Variants in FAM168A observed in about 807,000 individuals in gnomAD.
The protein encoded by FAM168A is family with sequence similarity 168 member A, also known as protein FAM168A.
In FAM168A, 3 loss-of-function variants were observed where a neutral mutation model predicts 28.5. The ratio of observed to expected loss-of-function variants is 0.11; its 90% CI spans 0.05 to 0.27. The LOEUF (loss-of-function observed/expected upper bound fraction) is 0.27, where lower values mean the gene tolerates loss of function less well. Ranked by LOEUF, FAM168A falls within the 10% of genes least tolerant of loss-of-function variation. The pLI is 1.00. For synonymous variants in FAM168A, 122 were observed against 124.2 expected (o/e 0.98, Z 0.12); for missense variants, 222 against 311.5 (o/e 0.71, Z 2.16).
chr11:73,484,498 G>GGAGAGAGAGA (rs201878144), intron 1 of FAM168A, among the ~76,000 whole-genome samples: 80 of 143,126 alleles, frequency 5.6e-4, no homozygotes, highest in African/African-American at 2.1e-3. Flanking sequence ...AGAACTAAGA[G>GGAGAGAGAGA]GAGAGAGAGA....
intron 3 of FAM168A, among the ~76,000 whole-genome samples, chr11:73,421,370 G>C (rs1866790411): frequency 6.6e-6 from 1 of 152,156 alleles, no homozygotes; most frequent in South Asian, 2.1e-4. Context: ...TAGAATTATG[G>C]CTATTGTAGG....
chr11:73,411,289 C>A, intron 5 of FAM168A, 105 bp downstream of exon 5: 1 of 1,343,652 alleles, frequency 7.4e-7, no homozygotes, highest in Non-Finnish European at 1.0e-6. Context: ...GCCAGAGCCA[C>A]AAACCATCCT....
At chr11:73,408,399 TA>T (rs932362141) in intron 6 of FAM168A, among the ~76,000 whole-genome samples, 1 of 152,170 alleles carries the variant, frequency 6.6e-6, no homozygotes, top group Non-Finnish European at 1.5e-5. Context: ...ACCATACCCT[TA>T]CGTTAGGGAC....
At chr11:73,510,931 G>C (rs555074754) in intron 1 of FAM168A, 1 of 246,142 alleles carries the variant, frequency 4.1e-6, no homozygotes, top group Admixed American at 5.6e-5. Context: ...GTTGAAGCCA[G>C]ATGATGAATG....
At chr11:73,521,744 T>C (rs1943383339) in intron 1 of FAM168A, among the ~76,000 whole-genome samples, 1 of 152,198 alleles carries the variant, frequency 6.6e-6, no homozygotes, top group South Asian at 2.1e-4. Flanking sequence ...ACCACCAGGA[T>C]ACTGACTCAT....
chr11:73,443,254 A>T (rs1867238186), intron 2 of FAM168A, among the ~76,000 whole-genome samples: 1 of 152,042 alleles, frequency 6.6e-6, no homozygotes, highest in Non-Finnish European at 1.5e-5. Context: ...CTTCAAAAAT[A>T]AGCCAAGTGC....
At chr11:73,484,747 T>C (rs1041981864) in intron 1 of FAM168A, among the ~76,000 whole-genome samples, 2 of 148,502 alleles carry the variant, frequency 1.3e-5, no homozygotes, top group Admixed American at 6.8e-5. Context: ...TATAGATATA[T>C]AGATATATAG....
intron 2 of FAM168A, among the ~76,000 whole-genome samples, chr11:73,463,494 TGGA>T (rs1555023686): frequency 6.6e-6 from 1 of 152,138 alleles, no homozygotes; most frequent in Non-Finnish European, 1.5e-5. Flanking sequence ...GAGACATTCA[TGGA>T]GGAGATGTTC....
At chr11:73,558,201 C>A (rs1003857073) in intron 1 of FAM168A, among the ~76,000 whole-genome samples, 3 of 151,920 alleles carry the variant, frequency 2.0e-5, no homozygotes, top group African/African-American at 7.3e-5. Context: ...AGTGAAGAGG[C>A]CAAATGTGAC....
At chr11:73,588,266 C>T (rs1335417575) in intron 1 of FAM168A, among the ~76,000 whole-genome samples, 3 of 152,172 alleles carry the variant, frequency 2.0e-5, no homozygotes, top group South Asian at 2.1e-4. Flanking sequence ...GTCACTTCAA[C>T]GAAAACAACT....
At chr11:73,412,220 G>A (rs1866625145) in intron 4 of FAM168A, 1 of 152,342 alleles carries the variant, frequency 6.6e-6, no homozygotes, top group Non-Finnish European at 1.5e-5. Context: ...TCATCTTCTA[G>A]GATGCTGAAA....
chr11:73,537,950 A>G (rs1020638008), intron 1 of FAM168A, among the ~76,000 whole-genome samples: 1 of 152,188 alleles, frequency 6.6e-6, no homozygotes, highest in Admixed American at 6.6e-5. Context: ...AGGAAGAAAA[A>G]TAGAAGGGAA....
chr11:73,416,523 A>C (rs1159215902), intron 4 of FAM168A, among the ~76,000 whole-genome samples: 3 of 152,350 alleles, frequency 2.0e-5, no homozygotes, highest in South Asian at 4.1e-4. Context: ...AGGCTTAGCA[A>C]GTATCAGTGA....
At chr11:73,511,444 A>T (rs1051418207) in intron 1 of FAM168A, among the ~76,000 whole-genome samples, 14 of 152,006 alleles carry the variant, frequency 9.2e-5, no homozygotes, top group African/African-American at 3.4e-4. Context: ...CACCTGTGTT[A>T]GCCAGGATGG....
At chr11:73,409,378 G>T in intron 6 of FAM168A, 109 bp downstream of exon 6, 1 of 1,409,578 alleles carries the variant, frequency 7.1e-7, no homozygotes, top group African/African-American at 1.4e-5. Flanking sequence ...AAGCCCCCTG[G>T]CACAGGATCT....
At chr11:73,499,732 C>T (rs944292523) in intron 1 of FAM168A, among the ~76,000 whole-genome samples, 1 of 151,892 alleles carries the variant, frequency 6.6e-6, no homozygotes, top group Admixed American at 6.6e-5. Flanking sequence ...GAGGCACACC[C>T]AAGTATCAAC....
At chr11:73,540,932 C>A (rs1435355171) in intron 1 of FAM168A, among the ~76,000 whole-genome samples, 1 of 152,052 alleles carries the variant, frequency 6.6e-6, no homozygotes, top group Non-Finnish European at 1.5e-5. Flanking sequence ...AGTCCGGGTA[C>A]GGTGGCTCGT....
At chr11:73,414,875 A>G (rs1340444844) in intron 4 of FAM168A, among the ~76,000 whole-genome samples, 1 of 152,202 alleles carries the variant, frequency 6.6e-6, no homozygotes, top group Non-Finnish European at 1.5e-5. Context: ...TATGGCTTAA[A>G]ATGCCATGAT....
chr11:73,483,150 A>C (rs1183203883), intron 1 of FAM168A, among the ~76,000 whole-genome samples: 1 of 152,214 alleles, frequency 6.6e-6, no homozygotes, highest in Non-Finnish European at 1.5e-5. Flanking sequence ...TGTTGGAAAA[A>C]TTAAATGAAA....
Sources: gnomAD v4.1 joint callset for allele counts (sites outside exome capture counted in the v4.1 genomes callset) on GRCh38, gnomAD v4.1.1 for gene constraint, MANE v1.5 for transcripts, NCBI Gene and HGNC (gene_info 2026-07-23, HGNC 2026-07-21) for gene names.